The following MDGA2 variants were observed in gnomAD, a reference collection of about 807,000 sequenced individuals.
The protein encoded by MDGA2 is MAM domain containing glycosylphosphatidylinositol anchor 2, also known as MAM domain-containing glycosylphosphatidylinositol anchor protein 2.
In MDGA2, 40 loss-of-function variants were observed where a neutral mutation model predicts 117.8. The observed-to-expected ratio is 0.34, with a 90% CI of 0.26 to 0.44. The LOEUF is 0.44. MDGA2 is among the 20% of genes least tolerant of loss of function. The pLI, the probability that MDGA2 is intolerant of heterozygous loss-of-function variation, is 1.00. For synonymous variants in MDGA2, 452 were observed against 439.0 expected, an observed-to-expected ratio of 1.03 and a Z score of -0.37; for missense variants, 1,123 against 1,250.6, an observed-to-expected ratio of 0.90 and a Z score of 1.54.
chr14:47,144,546 G>A (rs141386334), intron 3 of MDGA2, among the ~76,000 whole-genome samples: 4 of 152,142 alleles, frequency 2.6e-5, no homozygotes, highest in African/African-American at 9.6e-5. Flanking sequence ...AGAGTTCCAT[G>A]AGAGAGATAA....
At chr14:47,459,982 G>A (rs566827488) in intron 1 of MDGA2, among the ~76,000 whole-genome samples, 4 of 152,112 alleles carry the variant, frequency 2.6e-5, no homozygotes, top group Admixed American at 2.0e-4. Context: ...ATAAAAAAGA[G>A]TGGATTTCTC....
intron 1 of MDGA2, among the ~76,000 whole-genome samples, chr14:47,559,386 C>T (rs1895750110): frequency 6.6e-6 from 1 of 152,104 alleles, no homozygotes; most frequent in Non-Finnish European, 1.5e-5. Flanking sequence ...TGGCTTCCAG[C>T]TCCATCCATG....
intron 1 of MDGA2, among the ~76,000 whole-genome samples, chr14:47,584,950 C>T (rs1473961375): frequency 6.6e-6 from 1 of 151,752 alleles, no homozygotes; most frequent in African/African-American, 2.4e-5. Flanking sequence ...CAGGATGACA[C>T]TCAATAAAGC....
At chr14:46,928,592 T>C (rs72676676) in intron 9 of MDGA2, among the ~76,000 whole-genome samples, 5,875 of 152,232 alleles carry the variant, frequency 0.039, 149 homozygotes, top group Middle Eastern at 0.16. Flanking sequence ...ACTTCTCCTA[T>C]CCACTTTCTA....
chr14:47,323,978 G>A (rs1413832961), intron 1 of MDGA2, among the ~76,000 whole-genome samples: 1 of 152,100 alleles, frequency 6.6e-6, no homozygotes, highest in East Asian at 1.9e-4. Context: ...AGGCGTGGTG[G>A]CTCACGCCTG....
At chr14:47,342,136 C>G (rs1890643740) in intron 1 of MDGA2, among the ~76,000 whole-genome samples, 1 of 151,994 alleles carries the variant, frequency 6.6e-6, no homozygotes, top group African/African-American at 2.4e-5. Flanking sequence ...CAGGCGTGAG[C>G]CACTGCGCCT....
At chr14:46,959,923 TAA>T (rs1292073555) in intron 8 of MDGA2, among the ~76,000 whole-genome samples, 2 of 152,074 alleles carry the variant, frequency 1.3e-5, no homozygotes, top group African/African-American at 4.8e-5. Context: ...CTTTTTTTAA[TAA>T]AAAGTCTGTT....
chr14:47,393,520 A>C (rs1255657292), intron 1 of MDGA2, among the ~76,000 whole-genome samples: 1 of 152,176 alleles, frequency 6.6e-6, no homozygotes, highest in Admixed American at 6.6e-5. Flanking sequence ...AGAGAAAGAG[A>C]AAAGTGGATT....
rs1882574108 is a variant in MDGA2, at chr14:46,884,112, A to G, written c.2239-1891T>C. ...GTATAGATGTACCATTGTTTCTGACATGCTCCTAAGGTCATCAACAACATG... is the reference window on the plus strand; with the variant it reads ...GTATAGATGTACCATTGTTTCTGACGTGCTCCTAAGGTCATCAACAACATG... On this transcript the variant is annotated intron_variant, in intron 10 of 16. Transcript: ENST00000399232. This position sits in a 1 kb window ranked among gnomAD's most constrained non-coding sequence, Gnocchi z 4.1. 6.6e-6 allele frequency among the ~76,000 whole-genome samples: 1 copy of G among 152,092 alleles called. No homozygotes were observed. The highest frequency in any genetic ancestry group is 1.5e-5 in the Non-Finnish European group (1 of 68,006).
At chr14:47,395,777 T>C (rs545804837) in intron 1 of MDGA2, among the ~76,000 whole-genome samples, 1 of 152,262 alleles carries the variant, frequency 6.6e-6, no homozygotes, top group African/African-American at 2.4e-5. Context: ...TCATACATAA[T>C]TATAACTTTT....
At chr14:47,004,847 T>A (rs776853220) in intron 8 of MDGA2, among the ~76,000 whole-genome samples, 22 of 151,684 alleles carry the variant, frequency 1.5e-4, no homozygotes, top group Admixed American at 2.0e-4. Context: ...TTAAATGTTT[T>A]TAAAATGGTA....
chr14:47,564,292 ATG>A (rs1412949817), intron 1 of MDGA2, among the ~76,000 whole-genome samples: 1 of 151,866 alleles, frequency 6.6e-6, no homozygotes, highest in African/African-American at 2.4e-5. Context: ...TTGACTGTTG[ATG>A]TATTAGTCTG....
intron 1 of MDGA2, among the ~76,000 whole-genome samples, chr14:47,481,375 G>C (rs1421556765): frequency 6.6e-6 from 1 of 151,970 alleles, no homozygotes; most frequent in Non-Finnish European, 1.5e-5. Flanking sequence ...ATTTGCAAAT[G>C]ATATGGTCTG....
At chr14:47,416,959 G>A (rs1052916629) in intron 1 of MDGA2, among the ~76,000 whole-genome samples, 5 of 152,194 alleles carry the variant, frequency 3.3e-5, no homozygotes, top group African/African-American at 1.2e-4. Context: ...GAGGAGAGCT[G>A]TAGAGTAAGC....
In MDGA2 at chr14:47,144,376, T is replaced by C. The variant is rs575937369; in HGVS notation, c.596-102A>G. The stretch of plus-strand genomic sequence containing the variant: ...ACCAAAAATGCATATTCCTCATTGA[T>C]TGTATTACTTACCACTAGGTACTCT... On this transcript the variant is annotated intron_variant, in intron 3 of 16. Coordinates refer to ENST00000399232, the MANE Select transcript of MDGA2 (RefSeq NM_001113498.3). The C allele has an allele frequency of 7.5e-5, 55 of 736,558 alleles. No individual in the cohort carries two copies. The South Asian group carries it at 1.0e-3, about 14-fold the overall frequency. 45.6% of individuals were successfully genotyped at this position (736,558 alleles called of 1,614,324 possible). A position where few individuals can be genotyped will look rare whatever the true frequency, so the allele number is the denominator to read the frequency against.
intron 8 of MDGA2, among the ~76,000 whole-genome samples, chr14:47,003,514 C>T (rs764954839): frequency 5.9e-5 from 9 of 151,968 alleles, no homozygotes; most frequent in Non-Finnish European, 1.2e-4. Context: ...TCCTAATAAG[C>T]GGGTAGTGGT....
At chr14:47,510,785 T>A (rs1317790258) in intron 1 of MDGA2, among the ~76,000 whole-genome samples, 1 of 152,214 alleles carries the variant, frequency 6.6e-6, no homozygotes, top group Admixed American at 6.5e-5. Flanking sequence ...TCATCACAGT[T>A]AACCTCCCAT....
At chr14:46,864,684 T>C (rs1012002584) in intron 14 of MDGA2, among the ~76,000 whole-genome samples, 2 of 150,788 alleles carry the variant, frequency 1.3e-5, no homozygotes, top group African/African-American at 2.4e-5. Context: ...AGCATTGGCA[T>C]TATCAGCATT....
chr14:47,336,498 T>C (rs1890461859), intron 1 of MDGA2, among the ~76,000 whole-genome samples: 1 of 152,134 alleles, frequency 6.6e-6, no homozygotes, highest in South Asian at 2.1e-4. Context: ...ATTTTTCTTA[T>C]TTTTGACGTA....
Sources: allele counts gnomAD v4.1 joint callset (sites outside exome capture counted in the v4.1 genomes callset), GRCh38; gene constraint gnomAD v4.1.1; non-coding constraint Gnocchi (gnomAD v3.1); transcripts MANE v1.5; gene names NCBI Gene and HGNC (gene_info 2026-07-23, HGNC 2026-07-21).